Variants in FSTL4 observed in about 807,000 individuals in gnomAD.
FSTL4 encodes follistatin-related protein 4.
Under a neutral mutation model 78.2 loss-of-function variants are expected in FSTL4, and 28 were observed. The ratio of observed to expected loss-of-function variants is 0.36; its 90% CI spans 0.27 to 0.49. The LOEUF (loss-of-function observed/expected upper bound fraction) is 0.49, where lower values mean the gene tolerates loss of function less well. Among genes scored for constraint, FSTL4 ranks in the 20% least tolerant of loss-of-function variants. The probability of loss-of-function intolerance (pLI) is 0.98; values close to 1 mark genes in which losing one functional copy is unlikely to be tolerated. For missense variants in FSTL4, 922 were observed against 1,084.9 expected (o/e 0.85, Z 2.11); for synonymous variants, 422 against 440.5 (o/e 0.96, Z 0.53).
chr5:133,240,874 C>A (rs975243503), intron 7 of FSTL4, among the ~76,000 whole-genome samples: 1 of 152,134 alleles, frequency 6.6e-6, no homozygotes, highest in African/African-American at 2.4e-5. Context: ...CTGGCCTTGC[C>A]CTCTTTGGCT....
chr5:133,406,869 A>T (rs1470070972), intron 3 of FSTL4, among the ~76,000 whole-genome samples: 1 of 152,222 alleles, frequency 6.6e-6, no homozygotes, highest in Non-Finnish European at 1.5e-5. Flanking sequence ...ACAGATTAGG[A>T]AACATGAGTC....
chr5:133,471,688 C>T (rs1343437698), intron 3 of FSTL4, among the ~76,000 whole-genome samples: 1 of 152,150 alleles, frequency 6.6e-6, no homozygotes, highest in East Asian at 1.9e-4. Flanking sequence ...GTTATAGTAG[C>T]CTCAGTGGAC....
chr5:133,678,241 A>G, the FSTL4 span, among the ~76,000 whole-genome samples: 39,553 of 152,134 alleles, frequency 0.26, 5,279 homozygotes, highest in Admixed American at 0.33. Flanking sequence ...TAAGAGCACT[A>G]TTCTTGCTGT....
the FSTL4 span, among the ~76,000 whole-genome samples, chr5:133,817,036 C>G: frequency 1.3e-5 from 2 of 152,244 alleles, no homozygotes; most frequent in Non-Finnish European, 2.9e-5. Context: ...ACTTGCCCTT[C>G]CCAGTGGCAT....
the FSTL4 span, among the ~76,000 whole-genome samples, chr5:133,799,213 T>A: frequency 1.5e-5 from 2 of 137,090 alleles, 1 homozygote; most frequent in Non-Finnish European, 3.3e-5. Context: ...AACACTGGGA[T>A]CTTCCCAGCA....
At chr5:133,772,272 G>A in the FSTL4 span, among the ~76,000 whole-genome samples, 1 of 152,124 alleles carries the variant, frequency 6.6e-6, no homozygotes, top group Non-Finnish European at 1.5e-5. Flanking sequence ...GTGGCAAAGT[G>A]TTTACAAAAA....
the FSTL4 span, among the ~76,000 whole-genome samples, chr5:133,648,746 T>C: frequency 3.3e-5 from 5 of 152,164 alleles, no homozygotes; most frequent in Admixed American, 6.5e-5. Context: ...CCCAACAAAA[T>C]TGAACACACA....
chr5:133,225,628 G>A lies in FSTL4; in HGVS notation c.1177+30C>T, dbSNP rs773476897. ...TCAGCTTGATTTGAATGGGAATATC[G>A]CATAGACGTCTACCAAGGGCAGTTC... On this transcript the variant is annotated intron_variant, in intron 9 of 15. Transcript: ENST00000265342. The surrounding 1 kb of genome is among the most constrained non-coding windows in gnomAD (Gnocchi z 4.6). 6 of 1,519,108 alleles carry A rather than the reference G, an allele frequency of 3.9e-6. No homozygotes were observed. The highest frequency in any genetic ancestry group is 2.1e-5 in the Admixed American group (1 of 47,536). The allele number at this position is 1,519,108 out of a possible 1,614,324, so 94.1% of individuals were successfully genotyped here. A position where few individuals can be genotyped will look rare whatever the true frequency, so the allele number is the denominator to read the frequency against.
chr5:133,693,790 G>A, the FSTL4 span, among the ~76,000 whole-genome samples: 2 of 152,312 alleles, frequency 1.3e-5, no homozygotes, highest in East Asian at 3.9e-4. Context: ...AAAGGTTGGA[G>A]ACCCTGGAGT....
At chr5:133,210,535 C>G (rs113165019) in intron 13 of FSTL4, among the ~76,000 whole-genome samples, 4,429 of 151,824 alleles carry the variant, frequency 0.029, 231 homozygotes, top group African/African-American at 0.1. Flanking sequence ...TCTTGTTGCC[C>G]AGGCTGGAGT....
chr5:133,685,928 T>C, the FSTL4 span, among the ~76,000 whole-genome samples: 1 of 152,258 alleles, frequency 6.6e-6, no homozygotes, highest in African/African-American at 2.4e-5. Flanking sequence ...CGCCACACAA[T>C]CTCTTCTAGA....
intron 4 of FSTL4, among the ~76,000 whole-genome samples, chr5:133,351,286 C>T (rs1286163604): frequency 6.6e-6 from 1 of 152,050 alleles, no homozygotes; most frequent in Non-Finnish European, 1.5e-5. Flanking sequence ...GTTTGACATT[C>T]TACAATTTTA....
intron 4 of FSTL4, among the ~76,000 whole-genome samples, chr5:133,322,065 T>A: frequency 6.6e-6 from 1 of 152,196 alleles, no homozygotes; most frequent in Non-Finnish European, 1.5e-5. Context: ...AGTCAAGCCT[T>A]ACAGTGAGGT....
chr5:133,597,810 G>C (rs78829077), intron 2 of FSTL4, among the ~76,000 whole-genome samples: 14,255 of 152,200 alleles, frequency 0.094, 807 homozygotes, highest in African/African-American at 0.16. Flanking sequence ...GGCTGGCTGG[G>C]CCTAGGGACA....
chr5:133,622,131 T>C, the FSTL4 span, among the ~76,000 whole-genome samples: 1 of 152,144 alleles, frequency 6.6e-6, no homozygotes, highest in South Asian at 2.1e-4. Context: ...AAGAATGCTA[T>C]GTAAAGGGAA....
At chr5:133,585,165 C>T (rs1193299395) in intron 2 of FSTL4, among the ~76,000 whole-genome samples, 32 of 88,342 alleles carry the variant, frequency 3.6e-4, no homozygotes, top group African/African-American at 4.9e-4. Context: ...CAGTACCAGC[C>T]GCTGCAAAAT....
At chr5:133,768,707 G>A in the FSTL4 span, among the ~76,000 whole-genome samples, 1 of 152,138 alleles carries the variant, frequency 6.6e-6, no homozygotes, top group African/African-American at 2.4e-5. Flanking sequence ...TGCTGTGCAG[G>A]GCTGCTAACA....
the FSTL4 span, among the ~76,000 whole-genome samples, chr5:133,787,920 C>T: frequency 6.6e-6 from 1 of 152,230 alleles, no homozygotes; most frequent in Non-Finnish European, 1.5e-5. Context: ...AACATTTGCA[C>T]ATTGTTTATT....
chr5:133,694,081 T>A, the FSTL4 span, among the ~76,000 whole-genome samples: 1 of 152,350 alleles, frequency 6.6e-6, no homozygotes, highest in Non-Finnish European at 1.5e-5. Flanking sequence ...AAGCCTTACC[T>A]GAATTCTATG....
Sources: gnomAD v4.1 joint callset for allele counts (sites outside exome capture counted in the v4.1 genomes callset) on GRCh38, gnomAD v4.1.1 for gene constraint, Gnocchi (gnomAD v3.1) non-coding constraint, MANE v1.5 for transcripts, NCBI Gene and HGNC (gene_info 2026-07-23, HGNC 2026-07-21) for gene names.